Variants in ITPR3 observed in about 807,000 individuals in gnomAD.
The protein encoded by ITPR3 is inositol 1,4,5-trisphosphate receptor type 3.
In ITPR3, 173 loss-of-function variants were observed where a neutral mutation model predicts 293.2. That is an observed-to-expected ratio of 0.59 (90% CI 0.52 to 0.67). The LOEUF is 0.67. Ranked by LOEUF, ITPR3 falls within the 30% of genes least tolerant of loss-of-function variation. The pLI is 0.00. For synonymous variants in ITPR3, 1,295 were observed against 1,444.4 expected (o/e 0.90, Z 2.35); for missense variants, 2,796 against 3,592.1 (o/e 0.78, Z 5.66).
In ITPR3 at chr6:33,632,844, G is replaced by C. The variant is rs1314617194; in HGVS notation, c.90-7640G>C. On this transcript the variant is annotated intron_variant, in intron 1 of 57. Transcript: ENST00000605930. The surrounding 1 kb of genome is among the most constrained non-coding windows in gnomAD (Gnocchi z 4.1). ...AGGTGTAGACAGGGCTCCTGTCCTC[G>C]GCACTCAGCGTGGTCGCAGGAGATC... 6.6e-6 allele frequency among the ~76,000 whole-genome samples: 1 copy of C among 152,204 alleles called. No homozygotes were observed. Among genetic ancestry groups the C allele is most frequent in the Non-Finnish European group, 1.5e-5 (1 of 68,026 alleles).
At position 33,675,750 on chromosome 6, in the gene ITPR3, T is replaced by C; in HGVS notation, c.3176T>C (p.Leu1059Pro). The change falls in exon 25 of 58, where the codon CTC (leucine) becomes CCC (proline). Residue 1059 changes from leucine to proline, a missense_variant. Leu to Pro is a moderately conservative substitution (Grantham distance 98). Coordinates refer to ENST00000605930, the MANE Select transcript of ITPR3 (RefSeq NM_002224.4). This position sits in a 1 kb window ranked among gnomAD's most constrained non-coding sequence, Gnocchi z 5.0. ...GGCGGCCGCATGTTCCTGCGCGTGC[T>C]CATCCACCTCACCATGCACGACTAT... is the stretch of plus-strand genomic sequence containing the variant. ...DEGGRMFLRV[L>P]IHLTMHDYAP... The C allele has an allele frequency of 1.9e-6, 3 of 1,613,082 alleles. No homozygotes were observed. The highest frequency in any genetic ancestry group is 1.7e-6 in the Non-Finnish European group (2 of 1,179,840).
chr6:33,687,944 G>A lies in ITPR3; in HGVS notation c.6265-113G>A, dbSNP rs1765280975. On this transcript the variant is annotated intron_variant, in intron 46 of 57. Transcript: ENST00000605930. This position sits in a 1 kb window ranked among gnomAD's most constrained non-coding sequence, Gnocchi z 5.3. ...GCTTGGCCTGCTCTGGCTTGGCGGG[G>A]ACACTCGCTGAAGTGTAGTTCAGAG... 1.2e-6 allele frequency: 1 copy of A among 815,658 alleles called. No individual in the cohort carries two copies. Among genetic ancestry groups the A allele is most frequent in the Admixed American group, 2.6e-5 (1 of 38,466 alleles). The allele number at this position is 815,658 out of a possible 1,614,324, so 50.5% of individuals were successfully genotyped here. A position where few individuals can be genotyped will look rare whatever the true frequency, so the allele number is the denominator to read the frequency against.
rs1311802645 is a variant in ITPR3, at chr6:33,621,903, G to T, written c.89+212G>T. ...GGGCTCCCTACTGGAGTTGGCAGGA[G>T]GAGCCTCCCTCGGCGGCGCAGCCTC... On this transcript the variant is annotated intron_variant, in intron 1 of 57. Coordinates refer to ENST00000605930, the MANE Select transcript of ITPR3 (RefSeq NM_002224.4). The surrounding 1 kb of genome is among the most constrained non-coding windows in gnomAD (Gnocchi z 7.7). Among the ~76,000 whole-genome samples, 1 of 152,238 alleles carries T rather than the reference G, an allele frequency of 6.6e-6. No homozygotes were observed. The highest frequency in any genetic ancestry group is 1.5e-5 in the Non-Finnish European group (1 of 68,034).
chr6:33,650,154 C>A (rs572265043), intron 2 of ITPR3, among the ~76,000 whole-genome samples: 4 of 152,180 alleles, frequency 2.6e-5, no homozygotes, highest in South Asian at 2.1e-4. Context: ...ATCCACCCTC[C>A]TTCTCTCTGC....
Position 33,672,284 on chromosome 6 carries a change from CGG to C in ITPR3, c.2928+58_2928+59del. Reference sequence around the variant, plus strand: ...TGGGTATAGGGGGAGGGTAATGGGGCGGGTACAGGGAGGCTGGGCAGGGCGAA... The same window carrying C: ...TGGGTATAGGGGGAGGGTAATGGGGCGTACAGGGAGGCTGGGCAGGGCGAA... On this transcript the variant is annotated intron_variant, in intron 22 of 57. Coordinates refer to ENST00000605930, the MANE Select transcript of ITPR3 (RefSeq NM_002224.4). This position sits in a 1 kb window ranked among gnomAD's most constrained non-coding sequence, Gnocchi z 5.0. 1.7e-6 allele frequency: 1 copy of C among 593,908 alleles called. No individual in the cohort carries two copies. The highest frequency in any genetic ancestry group is 3.0e-6 in the Non-Finnish European group (1 of 337,084). 36.8% of individuals were successfully genotyped at this position (593,908 alleles called of 1,614,324 possible).
rs552348342 is a variant in ITPR3 at position 33,678,816 on chromosome 6, T to C, written c.3949T>C (p.Cys1317Arg). ...GGCCGAGGGCAAGTACGTCAAGAAG[T>C]GCCAGGACATGATCATGACTGAGGT... is the stretch of plus-strand genomic sequence containing the variant. Reference protein sequence around the residue: ...IKAEGKYVKKCQDMIMTELTN... With the variant: ...IKAEGKYVKKRQDMIMTELTN... Residue 1317 changes from cysteine (C) to arginine (R), a missense_variant, in exon 30 of 58, where the codon TGC becomes CGC. Coordinates refer to ENST00000605930, the MANE Select transcript of ITPR3 (RefSeq NM_002224.4). 4 of 1,612,418 alleles carry C rather than the reference T, an allele frequency of 2.5e-6. No homozygotes were observed. The highest frequency in any genetic ancestry group is 2.7e-5 in the African/African-American group (2 of 74,694).
At position 33,666,118 on chromosome 6, in the gene ITPR3, C is replaced by G. The variant is rs1414184325; in HGVS notation, c.1551+142C>G. 1.8e-5 allele frequency: 17 copies of G among 941,272 alleles called. No homozygotes were observed. In the East Asian group the frequency reaches 4.7e-4, roughly 26 times the overall value. The allele number at this position is 941,272 out of a possible 1,614,324, so 58.3% of individuals were successfully genotyped here. A position where few individuals can be genotyped will look rare whatever the true frequency, so the allele number is the denominator to read the frequency against. On this transcript the variant is annotated intron_variant, in intron 14 of 57. Coordinates refer to ENST00000605930, the MANE Select transcript of ITPR3 (RefSeq NM_002224.4). This position sits in a 1 kb window ranked among gnomAD's most constrained non-coding sequence, Gnocchi z 5.1. The stretch of plus-strand genomic sequence containing the variant: ...GTGCCAGGGACTTCCCTAAGTACCC[C>G]ACATGTGTTGACGAATTTGATCCTC...
At chr6:33,653,807 A>G (rs545945913) in intron 2 of ITPR3, among the ~76,000 whole-genome samples, 58 of 152,254 alleles carry the variant, frequency 3.8e-4, no homozygotes, top group African/African-American at 1.2e-3. Flanking sequence ...GAATTTCCGG[A>G]ACATTCCCTG....
chr6:33,621,918 G>A lies in ITPR3; in HGVS notation c.89+227G>A, dbSNP rs555134366. 8.5e-5 allele frequency among the ~76,000 whole-genome samples: 13 copies of A among 152,354 alleles called. No individual in the cohort carries two copies. The South Asian group carries it at 1.7e-3, about 19-fold the overall frequency. ...GTTGGCAGGAGGAGCCTCCCTCGGC[G>A]GCGCAGCCTCTACCCTCCCGCGCAC... On this transcript the variant is annotated intron_variant, in intron 1 of 57. Coordinates refer to ENST00000605930, the MANE Select transcript of ITPR3 (RefSeq NM_002224.4). This position sits in a 1 kb window ranked among gnomAD's most constrained non-coding sequence, Gnocchi z 7.7.
In ITPR3 at chr6:33,638,059, G is replaced by A. The variant is rs937654461; in HGVS notation, c.90-2425G>A. Among the ~76,000 whole-genome samples, 2 of 151,810 alleles carry A rather than the reference G, an allele frequency of 1.3e-5. No individual in the cohort carries two copies. The highest frequency in any genetic ancestry group is 1.9e-4 in the East Asian group (1 of 5,132). ...CTTGCTCTTTCGCCCAGGCTGAAGT[G>A]CAGTGGCGTGATCTCGGCTCACCAC... On this transcript the variant is annotated intron_variant, in intron 1 of 57. Coordinates refer to ENST00000605930, the MANE Select transcript of ITPR3 (RefSeq NM_002224.4). The surrounding 1 kb of genome is among the most constrained non-coding windows in gnomAD (Gnocchi z 4.3).
chr6:33,692,820 C>T lies in ITPR3; in HGVS notation c.7551C>T (p.Ile2517=), dbSNP rs2229643. 43,830 of 1,613,934 alleles carry T rather than the reference C, an allele frequency of 0.027. 1,112 individuals are homozygous for T. Among genetic ancestry groups the T allele is most frequent in the African/African-American group, 0.13 (9,604 of 74,934 alleles). ...TGAACCTCATCTTTGGGGTAATCAT[C>T]GACACCTTCGCTGACCTGCGTAGTG... ...IVLNLIFGVI[I]DTFADLRSEK... The change falls in exon 55 of 58, where the codon ATC becomes ATT. Residue 2517 remains isoleucine (I), a synonymous_variant. Coordinates refer to ENST00000605930, the MANE Select transcript of ITPR3 (RefSeq NM_002224.4). The surrounding 1 kb of genome is among the most constrained non-coding windows in gnomAD (Gnocchi z 4.2).
At chr6:33,671,065 C>A (rs1434719314) in intron 20 of ITPR3, 100 bp from the exon 21 acceptor site, 3 of 1,549,782 alleles carry the variant, frequency 1.9e-6, no homozygotes, top group Non-Finnish European at 2.6e-6. Context: ...TCATGACGCC[C>A]CTTTCGCCCT....
Position 33,683,838 on chromosome 6 carries a change from C to T in ITPR3, c.4789-182C>T, listed in dbSNP as rs994348612. Among the ~76,000 whole-genome samples the T allele has an allele frequency of 6.6e-6, 1 of 152,190 alleles. No homozygotes were observed. Among genetic ancestry groups the T allele is most frequent in the Non-Finnish European group, 1.5e-5 (1 of 68,022 alleles). On this transcript the variant is annotated intron_variant, in intron 35 of 57. Transcript: ENST00000605930. The surrounding 1 kb of genome is among the most constrained non-coding windows in gnomAD (Gnocchi z 4.5). ...CTGGGAGAGAAGCCAGGCTTGGCAG[C>T]TCCCAGCCAGGGCTCTGAGCAGACA...
intron 50 of ITPR3, 122 bp downstream of exon 50, chr6:33,689,532 C>T (rs1765333687): frequency 8.9e-7 from 1 of 1,125,918 alleles, no homozygotes; most frequent in East Asian, 2.6e-5. Flanking sequence ...CTCTGTTGGG[C>T]TCCCAAGTTC....
chr6:33,630,243 C>T (rs1455169058), intron 1 of ITPR3, among the ~76,000 whole-genome samples: 1 of 152,208 alleles, frequency 6.6e-6, no homozygotes, highest in African/African-American at 2.4e-5. Context: ...GTGGTGTAGG[C>T]TGCTTCACTT....
chr6:33,687,111 CTGGGCAGG>C lies in ITPR3; in HGVS notation c.6075+16_6075+23del, dbSNP rs769069993. 8.1e-6 allele frequency: 13 copies of C among 1,613,032 alleles called. No homozygotes were observed. Among genetic ancestry groups the C allele is most frequent in the East Asian group, 6.7e-5 (3 of 44,878 alleles). ...CCTGCGGCCCCAGGAGCTGGTGAGG[CTGGGCAGG>C]TGGGCAGGCGGGCGGAACCAGGTGG... On this transcript the variant is annotated splice_region_variant and intron_variant, in intron 44 of 57. Coordinates refer to ENST00000605930, the MANE Select transcript of ITPR3 (RefSeq NM_002224.4). This position sits in a 1 kb window ranked among gnomAD's most constrained non-coding sequence, Gnocchi z 5.3.
In ITPR3 at chr6:33,687,387, C is replaced by T; in HGVS notation, c.6177+60C>T. On this transcript the variant is annotated intron_variant, in intron 45 of 57. Coordinates refer to ENST00000605930, the MANE Select transcript of ITPR3 (RefSeq NM_002224.4). This position sits in a 1 kb window ranked among gnomAD's most constrained non-coding sequence, Gnocchi z 5.3. Reference sequence around the variant, plus strand: ...CCCTGGCCACCATACCCCGCCCCAGCTGCCATCATCCCCCAGTCGCCATTG... The same window carrying T: ...CCCTGGCCACCATACCCCGCCCCAGTTGCCATCATCCCCCAGTCGCCATTG... The T allele has an allele frequency of 6.7e-7, 1 of 1,486,092 alleles. No homozygotes were observed. The highest frequency in any genetic ancestry group is 9.2e-7 in the Non-Finnish European group (1 of 1,081,198). 92.1% of individuals were successfully genotyped at this position (1,486,092 alleles called of 1,614,324 possible).
chr6:33,686,000 C>A (rs1468902293), intron 41 of ITPR3, 53 bp from the exon 42 acceptor site: 3 of 1,596,276 alleles, frequency 1.9e-6, no homozygotes, highest in Non-Finnish European at 2.6e-6. Context: ...CCCAGGCCAG[C>A]CTCCCTCTCC....
At chr6:33,635,127 C>G (rs1763788260) in intron 1 of ITPR3, among the ~76,000 whole-genome samples, 1 of 152,222 alleles carries the variant, frequency 6.6e-6, no homozygotes, top group Non-Finnish European at 1.5e-5. Context: ...ACCAGCTAAT[C>G]TGATTCACTA....
Sources: allele counts gnomAD v4.1 joint callset (sites outside exome capture counted in the v4.1 genomes callset), GRCh38; gene constraint gnomAD v4.1.1; non-coding constraint Gnocchi (gnomAD v3.1); transcripts MANE v1.5; gene names NCBI Gene and HGNC (gene_info 2026-07-23, HGNC 2026-07-21).